AGAP1: variants seen among roughly 807,000 people sequenced by gnomAD.
AGAP1 encodes arf-GAP with GTPase, ANK repeat and PH domain-containing protein 1.
Under a neutral mutation model 105.3 loss-of-function variants are expected in AGAP1, and 29 were observed. The ratio of observed to expected loss-of-function variants is 0.28; its 90% CI spans 0.21 to 0.38. The LOEUF is 0.38. AGAP1 is among the 10% of genes least tolerant of loss of function. The pLI, the probability that AGAP1 is intolerant of heterozygous loss-of-function variation, is 1.00. For missense variants in AGAP1, 998 were observed against 1,165.1 expected (o/e 0.86, Z 2.09); for synonymous variants, 509 against 485.9 (o/e 1.05, Z -0.63).
chr2:235,759,633 G>A (rs890904317), intron 6 of AGAP1, among the ~76,000 whole-genome samples: 3 of 152,176 alleles, frequency 2.0e-5, no homozygotes, highest in South Asian at 2.1e-4. Context: ...TGGTGGGGGC[G>A]CACATGTGAG....
intron 13 of AGAP1, among the ~76,000 whole-genome samples, chr2:236,028,282 A>G (rs1031600501): frequency 6.6e-6 from 1 of 152,066 alleles, no homozygotes; most frequent in Non-Finnish European, 1.5e-5. Context: ...ATTCTCCGGG[A>G]GAGGAGACCT....
chr2:235,518,999 CATT>C (rs1173043994), intron 1 of AGAP1, among the ~76,000 whole-genome samples: 1 of 152,224 alleles, frequency 6.6e-6, no homozygotes, highest in Non-Finnish European at 1.5e-5. Flanking sequence ...CAGACCTCAA[CATT>C]ATCTGAAACG....
intron 13 of AGAP1, among the ~76,000 whole-genome samples, chr2:235,997,794 T>C (rs1417997376): frequency 1.3e-5 from 2 of 152,202 alleles, no homozygotes; most frequent in Admixed American, 1.3e-4. Flanking sequence ...CTCTTAATTG[T>C]ATAGTAGCTC....
At chr2:236,019,817 T>A (rs558754701) in intron 13 of AGAP1, among the ~76,000 whole-genome samples, 1 of 152,316 alleles carries the variant, frequency 6.6e-6, no homozygotes, top group East Asian at 1.9e-4. Context: ...CTGTGACCCA[T>A]TGTGTTGTGT....
In AGAP1 at chr2:236,014,721, T is replaced by C; in HGVS notation, c.1646-21840T>C. The C allele has an allele frequency of 2.6e-6, 1 of 382,548 alleles. No homozygotes were observed. Among genetic ancestry groups the C allele is most frequent in the Non-Finnish European group, 5.4e-6 (1 of 186,468 alleles). The allele number at this position is 382,548 out of a possible 1,614,324, so 23.7% of individuals were successfully genotyped here. A position where few individuals can be genotyped will look rare whatever the true frequency, so the allele number is the denominator to read the frequency against. ...AACGTCACGTGCTACTTTGACCTTT[T>C]TTTTTCTCCCCTTTTCATTTGTTTT... On this transcript the variant is annotated intron_variant, in intron 13 of 17. Coordinates refer to ENST00000304032, the MANE Select transcript of AGAP1 (RefSeq NM_001037131.3). The surrounding 1 kb of genome is among the most constrained non-coding windows in gnomAD (Gnocchi z 6.3).
intron 12 of AGAP1, among the ~76,000 whole-genome samples, chr2:235,946,284 C>CTTTT (rs34759426): frequency 8.8e-6 from 1 of 114,058 alleles, no homozygotes; most frequent in African/African-American, 3.6e-5. Context: ...GCTTTTTTTC[C>CTTTT]TTTTTTTTTT....
intron 6 of AGAP1, among the ~76,000 whole-genome samples, chr2:235,784,598 C>CA (rs71400786): frequency 0.43 from 53,758 of 124,164 alleles, 11,368 homozygotes; most frequent in South Asian, 0.63. Flanking sequence ...CTTATTAAAG[C>CA]AAAAAAAAAA....
intron 1 of AGAP1, among the ~76,000 whole-genome samples, chr2:235,598,993 T>G (rs922535619): frequency 6.6e-6 from 1 of 152,198 alleles, no homozygotes; most frequent in African/African-American, 2.4e-5. Context: ...GTCTTCCTCT[T>G]GTTGACATTT....
Position 235,663,235 on chromosome 2 carries a change from G to A in AGAP1, c.164-45944G>A, listed in dbSNP as rs771328542. On this transcript the variant is annotated intron_variant, in intron 1 of 17. Coordinates refer to ENST00000304032, the MANE Select transcript of AGAP1 (RefSeq NM_001037131.3). This position sits in a 1 kb window ranked among gnomAD's most constrained non-coding sequence, Gnocchi z 5.4. ...GAGGCAGGAGAATTGCTTGAACCTG[G>A]GAGACAGAGGTTGCAGTGAGCCAAG... Among the ~76,000 whole-genome samples, 6 of 152,068 alleles carry A rather than the reference G, an allele frequency of 3.9e-5. No homozygotes were observed. Among genetic ancestry groups the A allele is most frequent in the Non-Finnish European group, 5.9e-5 (4 of 68,026 alleles).
chr2:235,500,817 A>G (rs560335791), intron 1 of AGAP1, among the ~76,000 whole-genome samples: 2 of 152,324 alleles, frequency 1.3e-5, no homozygotes, highest in South Asian at 2.1e-4. Flanking sequence ...GGAGACCTAG[A>G]GCCAGCAAAC....
intron 16 of AGAP1, among the ~76,000 whole-genome samples, chr2:236,091,361 G>GT (rs1576283222): frequency 1.3e-5 from 2 of 152,216 alleles, no homozygotes; most frequent in African/African-American, 4.8e-5. Context: ...ATCAAATACT[G>GT]TTTTTAACAT....
chr2:235,692,331 C>T lies in AGAP1; in HGVS notation c.164-16848C>T, dbSNP rs917213009. On this transcript the variant is annotated intron_variant, in intron 1 of 17. Coordinates refer to ENST00000304032, the MANE Select transcript of AGAP1 (RefSeq NM_001037131.3). This position sits in a 1 kb window ranked among gnomAD's most constrained non-coding sequence, Gnocchi z 5.8. ...CCCCAGGGTGCCAGTGGGGACCTTG[C>T]CTTCTCCAGCACTGGGCCGTCCACT... is the stretch of plus-strand genomic sequence containing the variant. 1.3e-5 allele frequency among the ~76,000 whole-genome samples: 2 copies of T among 152,080 alleles called. No homozygotes were observed. The highest frequency in any genetic ancestry group is 2.9e-5 in the Non-Finnish European group (2 of 68,016).
intron 9 of AGAP1, among the ~76,000 whole-genome samples, chr2:235,847,367 A>G (rs533435605): frequency 1.7e-4 from 26 of 152,344 alleles, no homozygotes; most frequent in Non-Finnish European, 3.5e-4. Context: ...CTTGCTTTCA[A>G]TTTTGTCTAA....
rs2050455228 is a variant in AGAP1 at position 235,890,000 on chromosome 2, C to T, written c.1155+6551C>T. 6.6e-6 allele frequency among the ~76,000 whole-genome samples: 1 copy of T among 152,136 alleles called. No individual in the cohort carries two copies. Among genetic ancestry groups the T allele is most frequent in the Non-Finnish European group, 1.5e-5 (1 of 68,032 alleles). On this transcript the variant is annotated intron_variant, in intron 10 of 17. Transcript: ENST00000304032. This position sits in a 1 kb window ranked among gnomAD's most constrained non-coding sequence, Gnocchi z 4.6. ...CTTGACCCCAGCCATCACCCACAGC[C>T]ACATCTCCCAGCCTCCTTCAGCTCT... is the stretch of plus-strand genomic sequence containing the variant.
At chr2:235,587,787 A>T (rs192553623) in intron 1 of AGAP1, among the ~76,000 whole-genome samples, 2 of 151,066 alleles carry the variant, frequency 1.3e-5, no homozygotes, top group African/African-American at 2.4e-5. Flanking sequence ...AACCTGTTTC[A>T]CTTAAGTACG....
rs992299125 is a variant in AGAP1, at chr2:235,750,742, C to T, written c.673+254C>T. On this transcript the variant is annotated intron_variant, in intron 6 of 17. Coordinates refer to ENST00000304032, the MANE Select transcript of AGAP1 (RefSeq NM_001037131.3). The surrounding 1 kb of genome is among the most constrained non-coding windows in gnomAD (Gnocchi z 5.3). ...TTGGGTCTGTGTGTCTCCTATGGGG[C>T]CTTTTTGTGTACAGGATAGAACATT... is the stretch of plus-strand genomic sequence containing the variant. 6.6e-6 allele frequency among the ~76,000 whole-genome samples: 1 copy of T among 152,152 alleles called. No homozygotes were observed. Among genetic ancestry groups the T allele is most frequent in the Non-Finnish European group, 1.5e-5 (1 of 68,032 alleles).
chr2:235,794,734 A>G (rs1957163983), intron 6 of AGAP1, among the ~76,000 whole-genome samples: 1 of 152,112 alleles, frequency 6.6e-6, no homozygotes, highest in Admixed American at 6.5e-5. Context: ...GGCCTCCCAG[A>G]GTGCTGGGAT....
intron 13 of AGAP1, among the ~76,000 whole-genome samples, chr2:235,999,141 G>A (rs538445639): frequency 5.5e-5 from 8 of 146,776 alleles, no homozygotes; most frequent in East Asian, 4.1e-4. Context: ...TTGTGGTGAC[G>A]ATGGTGAGAG....
rs2149180102 is a variant in AGAP1 at position 235,577,699 on chromosome 2, C to A, written c.163+82850C>A. Among the ~76,000 whole-genome samples, 1 of 152,164 alleles carries A rather than the reference C, an allele frequency of 6.6e-6. No homozygotes were observed. The highest frequency in any genetic ancestry group is 1.9e-4 in the East Asian group (1 of 5,176). On this transcript the variant is annotated intron_variant, in intron 1 of 17. Transcript: ENST00000304032. This position sits in a 1 kb window ranked among gnomAD's most constrained non-coding sequence, Gnocchi z 4.5. Reference sequence around the variant, plus strand: ...CGAGTGGAACGTGTGTGTCGTCATCCCCTCGAAGGCTTGGCTGATTGAGCC... The same window carrying A: ...CGAGTGGAACGTGTGTGTCGTCATCACCTCGAAGGCTTGGCTGATTGAGCC...
Sources: allele counts gnomAD v4.1 joint callset (sites outside exome capture counted in the v4.1 genomes callset), GRCh38; gene constraint gnomAD v4.1.1; non-coding constraint Gnocchi (gnomAD v3.1); transcripts MANE v1.5; gene names NCBI Gene and HGNC (gene_info 2026-07-23, HGNC 2026-07-21).